TAOK1: variants seen among roughly 807,000 people sequenced by gnomAD.
TAOK1 encodes TAO kinase 1.
In TAOK1, 21 loss-of-function variants were observed where a neutral mutation model predicts 138.3. The ratio of observed to expected loss-of-function variants is 0.15; its 90% CI spans 0.11 to 0.22. The LOEUF (loss-of-function observed/expected upper bound fraction) is 0.22, where lower values mean the gene tolerates loss of function less well. Ranked by LOEUF, TAOK1 falls within the 10% of genes least tolerant of loss-of-function variation. TAOK1 has a pLI of 1.00. For missense variants in TAOK1, 651 were observed against 1,227.7 expected, an observed-to-expected ratio of 0.53 and a Z score of 7.02; for synonymous variants, 361 against 398.4, an observed-to-expected ratio of 0.91 and a Z score of 1.12.
chr17:29,501,371 C>T (rs1299192915), intron 12 of TAOK1, among the ~76,000 whole-genome samples: 1 of 150,810 alleles, frequency 6.6e-6, no homozygotes, highest in Non-Finnish European at 1.5e-5. Context: ...TGCAGTTAGC[C>T]TTGATCATAC....
chr17:29,531,487 C>T (rs952010906), intron 18 of TAOK1, among the ~76,000 whole-genome samples: 10 of 470 alleles, frequency 0.021, no homozygotes, highest in Non-Finnish European at 0.086. Flanking sequence ...TAAGGCTGCG[C>T]GCCAGTGGCT....
chr17:29,487,012 G>A (rs1020668505), intron 8 of TAOK1, among the ~76,000 whole-genome samples: 26 of 152,118 alleles, frequency 1.7e-4, no homozygotes, highest in Admixed American at 5.9e-4. Context: ...ACTTTGGGAG[G>A]CCAAGGCGGG....
chr17:29,394,798 AAAG>A (rs1375363556), intron 1 of TAOK1, among the ~76,000 whole-genome samples: 1 of 152,216 alleles, frequency 6.6e-6, no homozygotes, highest in Non-Finnish European at 1.5e-5. Context: ...TCCCTTCAAA[AAAG>A]TGTTATTTCT....
chr17:29,403,962 G>C (rs1904921505), intron 1 of TAOK1: 1 of 152,120 alleles, frequency 6.6e-6, no homozygotes, highest in South Asian at 2.1e-4. Context: ...GTAATTAAAA[G>C]ATCATTTTAT....
In TAOK1 at chr17:29,530,466, G is replaced by A. The variant is rs749417990; in HGVS notation, c.2208G>A (p.Gln736=). 1 of 1,614,032 alleles carries A rather than the reference G, an allele frequency of 6.2e-7. No homozygotes were observed. The highest frequency in any genetic ancestry group is 1.7e-5 in the Admixed American group (1 of 59,996). The change falls in exon 18 of 20, where the codon CAG becomes CAA. Residue 736 remains glutamine, a synonymous_variant. Transcript: ENST00000261716. ...ATACCTGCAAAATCCAAACCAGACAGTACAAAGCATTAAGAAATCACCTGC... is the reference window on the plus strand; with the variant it reads ...ATACCTGCAAAATCCAAACCAGACAATACAAAGCATTAAGAAATCACCTGC... The part of the protein sequence containing the change: ...FQDTCKIQTR[Q]YKALRNHLLE...
chr17:29,423,449 C>T (rs1258247924), intron 1 of TAOK1, among the ~76,000 whole-genome samples: 3 of 151,740 alleles, frequency 2.0e-5, no homozygotes, highest in Non-Finnish European at 1.5e-5. Context: ...GATCTCCTGA[C>T]CTCATGATCC....
intron 1 of TAOK1, among the ~76,000 whole-genome samples, chr17:29,445,852 C>T (rs2030062949): frequency 6.6e-6 from 1 of 152,056 alleles, no homozygotes; most frequent in African/African-American, 2.4e-5. Context: ...GTTCTCTCTT[C>T]TAAGCTTGAA....
chr17:29,530,904 G>C (rs993567180), intron 18 of TAOK1, among the ~76,000 whole-genome samples: 1 of 150,638 alleles, frequency 6.6e-6, no homozygotes, highest in Non-Finnish European at 1.5e-5. Flanking sequence ...GGGAAGCAGT[G>C]AGCAAAAGGT....
chr17:29,457,089 C>CTGTTTT, intron 2 of TAOK1, among the ~76,000 whole-genome samples: 1 of 107,408 alleles, frequency 9.3e-6, no homozygotes, highest in Non-Finnish European at 1.9e-5. Flanking sequence ...TTTTCTTTTT[C>CTGTTTT]TTTTTTTTTT....
chr17:29,449,060 C>T (rs532489214), intron 1 of TAOK1, among the ~76,000 whole-genome samples: 13 of 152,088 alleles, frequency 8.5e-5, no homozygotes, highest in South Asian at 2.1e-4. Flanking sequence ...AAGAAGATGC[C>T]GATCATGGAC....
At chr17:29,522,807 G>C (rs1449655210) in intron 17 of TAOK1, among the ~76,000 whole-genome samples, 1 of 152,134 alleles carries the variant, frequency 6.6e-6, no homozygotes, top group Admixed American at 6.6e-5. Flanking sequence ...GGGTGCAGTG[G>C]CTCACGCCTG....
chr17:29,468,488 T>G (rs1461505139), intron 3 of TAOK1, among the ~76,000 whole-genome samples: 1 of 151,938 alleles, frequency 6.6e-6, no homozygotes, highest in Non-Finnish European at 1.5e-5. Context: ...TTGGAAAGAT[T>G]ATCAGTTTCT....
At chr17:29,483,560 G>A (rs1308887255) in intron 8 of TAOK1, among the ~76,000 whole-genome samples, 1 of 152,056 alleles carries the variant, frequency 6.6e-6, no homozygotes, top group Admixed American at 6.5e-5. Context: ...TTAAAGTTAC[G>A]ATTTCTATTA....
rs1236065092 is a variant in TAOK1, at chr17:29,475,839, A to G, written c.306+68A>G. 9 of 1,159,676 alleles carry G rather than the reference A, an allele frequency of 7.8e-6. No homozygotes were observed. In the East Asian group the frequency reaches 2.1e-4, roughly 28 times the overall value. 71.8% of individuals were successfully genotyped at this position (1,159,676 alleles called of 1,614,324 possible). A position where few individuals can be genotyped will look rare whatever the true frequency, so the allele number is the denominator to read the frequency against. On this transcript the variant is annotated intron_variant, in intron 4 of 19. Coordinates refer to ENST00000261716, the MANE Select transcript of TAOK1 (RefSeq NM_020791.4). ...GGTTTATAATGAATTAATTCAGAAT[A>G]TCTCATACTGGTTGTGTAAATGCAT...
chr17:29,508,509 T>C (rs2031665081), intron 14 of TAOK1, among the ~76,000 whole-genome samples: 1 of 152,202 alleles, frequency 6.6e-6, no homozygotes, highest in Non-Finnish European at 1.5e-5. Flanking sequence ...TTCCTGATTA[T>C]TGATAGTTTT....
rs58073512 is a variant in TAOK1, at chr17:29,528,839, C to CAA, written c.2149-1544_2149-1543dup. Among the ~76,000 whole-genome samples, 361 of 69,218 alleles carry CAA rather than the reference C, an allele frequency of 5.2e-3. 6 individuals are homozygous for CAA. Among genetic ancestry groups the CAA allele is most frequent in the Middle Eastern group, 9.3e-3 (1 of 108 alleles). 45.4% of individuals were successfully genotyped at this position (69,218 alleles called of 152,430 possible). A position where few individuals can be genotyped will look rare whatever the true frequency, so the allele number is the denominator to read the frequency against. On this transcript the variant is annotated intron_variant, in intron 17 of 19. Coordinates refer to ENST00000261716, the MANE Select transcript of TAOK1 (RefSeq NM_020791.4). ...TGAGCAACAGAATGAGACTCCGTCT[C>CAA]AAAAAAAAAAAAAAAAAAAAAAAAA...
rs761962930 is a variant in TAOK1, at chr17:29,468,135, A to ATTTTTTTTTTTTTTTTTTTT, written c.204+936_204+937insTTTTTTTTTTTTTTTTTTTT. Among the ~76,000 whole-genome samples the ATTTTTTTTTTTTTTTTTTTT allele has an allele frequency of 1.1e-3, 85 of 76,050 alleles. 15 individuals carry two copies. Among genetic ancestry groups the ATTTTTTTTTTTTTTTTTTTT allele is most frequent in the African/African-American group, 1.9e-3 (35 of 18,124 alleles). The allele number at this position is 76,050 out of a possible 152,430, so 49.9% of individuals were successfully genotyped here. Reference sequence around the variant, plus strand: ...AACCACTGTGCTTGGCCTGCTTTCAATTTTTTTTTTTTTTTTTAGGAGCTG... The same window carrying ATTTTTTTTTTTTTTTTTTTT: ...AACCACTGTGCTTGGCCTGCTTTCAATTTTTTTTTTTTTTTTTTTTTTTTTTTTTTTTTTTTTAGGAGCTG... On this transcript the variant is annotated intron_variant, in intron 3 of 19. Transcript: ENST00000261716.
intron 16 of TAOK1, 111 bp from the exon 17 acceptor site, chr17:29,522,169 T>A: frequency 7.3e-7 from 1 of 1,378,380 alleles, no homozygotes; most frequent in East Asian, 2.3e-5. Context: ...GCAACTATAA[T>A]TGAATAACAG....
chr17:29,495,493 G>A (rs961556528), intron 10 of TAOK1, 67 bp from the exon 11 acceptor site: 21 of 1,328,346 alleles, frequency 1.6e-5, no homozygotes, highest in Non-Finnish European at 2.0e-5. Context: ...TATCTCTAGG[G>A]TCTGAGAAGG....
Sources: allele counts gnomAD v4.1 joint callset (sites outside exome capture counted in the v4.1 genomes callset), GRCh38; gene constraint gnomAD v4.1.1; transcripts MANE v1.5; gene names NCBI Gene and HGNC (gene_info 2026-07-23, HGNC 2026-07-21).